Variants in GRM1 observed in about 807,000 individuals in gnomAD.
GRM1 encodes the protein glutamate metabotropic receptor 1, also known as metabotropic glutamate receptor 1.
GRM1 carries 33 observed loss-of-function variants against 90.9 expected under a neutral mutation model. The ratio of observed to expected loss-of-function variants is 0.36; its 90% confidence interval spans 0.28 to 0.49. GRM1 has a LOEUF of 0.49. Among genes scored for constraint, GRM1 ranks in the 20% least tolerant of loss-of-function variants. The probability of loss-of-function intolerance (pLI) is 0.99; values close to 1 mark genes in which losing one functional copy is unlikely to be tolerated. For synonymous variants in GRM1, 700 were observed against 613.2 expected, an observed-to-expected ratio of 1.14 and a Z score of -2.09; for missense variants, 1,190 against 1,534.3, an observed-to-expected ratio of 0.78 and a Z score of 3.75.
intron 1 of GRM1, among the ~76,000 whole-genome samples, chr6:146,155,685 T>C (rs935863413): frequency 6.6e-6 from 1 of 152,172 alleles, no homozygotes; most frequent in Non-Finnish European, 1.5e-5. Flanking sequence ...GGAAATAGCA[T>C]GCATGAGTTT....
At chr6:146,368,714 A>T (rs1053435473) in intron 5 of GRM1, among the ~76,000 whole-genome samples, 3 of 152,014 alleles carry the variant, frequency 2.0e-5, no homozygotes, top group African/African-American at 7.2e-5. Flanking sequence ...GATTGTAGTT[A>T]AAAATCTTTT....
At chr6:146,141,249 G>C (rs1404586347) in intron 1 of GRM1, among the ~76,000 whole-genome samples, 3 of 151,044 alleles carry the variant, frequency 2.0e-5, no homozygotes, top group Non-Finnish European at 4.4e-5. Context: ...TCTGCTGCCA[G>C]ACATACTGGA....
chr6:146,058,647 G>A (rs1337921385), intron 1 of GRM1, among the ~76,000 whole-genome samples: 1 of 152,040 alleles, frequency 6.6e-6, no homozygotes, highest in Non-Finnish European at 1.5e-5. Flanking sequence ...TTTCATTAAC[G>A]ACTTCTCTGT....
chr6:146,236,228 T>G (rs1181327222), intron 2 of GRM1, among the ~76,000 whole-genome samples: 2 of 152,316 alleles, frequency 1.3e-5, no homozygotes, highest in East Asian at 3.9e-4. Flanking sequence ...TCCAAAATAC[T>G]GTCATTATGA....
Position 146,434,645 on chromosome 6 carries a change from T to A in GRM1, c.3434T>A (p.Leu1145Gln). 6.2e-7 allele frequency: 1 copy of A among 1,610,522 alleles called. No individual in the cohort carries two copies. The highest frequency in any genetic ancestry group is 8.5e-7 in the Non-Finnish European group (1 of 1,180,016). ...CTGACCCCGGATGATTCGCCTGCGC[T>A]GACGCCTCCGTCGCCTTTCCGCGAC... is the stretch of plus-strand genomic sequence containing the variant. ...SKLTPDDSPALTPPSPFRDSV... is the reference protein window; with the variant it reads ...SKLTPDDSPAQTPPSPFRDSV... The change falls in exon 8 of 8, where the codon CTG (leucine) becomes CAG (glutamine). Residue 1145 changes from leucine (L) to glutamine (Q), a missense_variant. Transcript: ENST00000282753.
At chr6:146,342,927 A>G (rs1457013164) in intron 3 of GRM1, among the ~76,000 whole-genome samples, 1 of 152,156 alleles carries the variant, frequency 6.6e-6, no homozygotes, top group African/African-American at 2.4e-5. Context: ...ACCAACATTA[A>G]TGCATTATTA....
At chr6:146,354,221 T>C (rs1785506121) in intron 4 of GRM1, among the ~76,000 whole-genome samples, 1 of 152,228 alleles carries the variant, frequency 6.6e-6, no homozygotes, top group South Asian at 2.1e-4. Context: ...ATTCAGGAAC[T>C]GGGCATGTGA....
intron 1 of GRM1, among the ~76,000 whole-genome samples, chr6:146,058,527 T>A (rs1032139298): frequency 5.9e-5 from 9 of 152,182 alleles, no homozygotes; most frequent in Non-Finnish European, 1.3e-4. Flanking sequence ...CTTGCCTTGA[T>A]GTTGATGGCT....
intron 2 of GRM1, among the ~76,000 whole-genome samples, chr6:146,295,854 G>T (rs1309645518): frequency 2.0e-5 from 3 of 152,124 alleles, no homozygotes; most frequent in African/African-American, 7.2e-5. Flanking sequence ...GTACCCAATT[G>T]TTATTTTTTT....
chr6:146,251,140 A>G (rs909802542), intron 2 of GRM1, among the ~76,000 whole-genome samples: 3 of 152,200 alleles, frequency 2.0e-5, no homozygotes, highest in Non-Finnish European at 1.5e-5. Flanking sequence ...CTCTTTCTAA[A>G]TGGGACCATT....
chr6:146,396,808 T>A (rs1776954368), intron 6 of GRM1, among the ~76,000 whole-genome samples: 1 of 152,244 alleles, frequency 6.6e-6, no homozygotes, highest in Non-Finnish European at 1.5e-5. Flanking sequence ...AGCTTATGTC[T>A]AATTACCAAA....
At chr6:146,160,021 G>A (rs1443416135) in intron 2 of GRM1, 2 of 166,094 alleles carry the variant, frequency 1.2e-5, no homozygotes, top group East Asian at 1.7e-4. Flanking sequence ...AAAGCTGTTT[G>A]GCAGAATATG....
chr6:146,406,694 C>T (rs565237421), intron 7 of GRM1, among the ~76,000 whole-genome samples: 1 of 151,968 alleles, frequency 6.6e-6, no homozygotes, highest in Non-Finnish European at 1.5e-5. Context: ...ATTAGCCAGG[C>T]GTGGTGGCAT....
In GRM1 at chr6:146,426,411, G is replaced by A. The variant is rs557386687; in HGVS notation, c.2661-7461G>A. The A allele has an allele frequency of 5.6e-5, 37 of 659,172 alleles. No individual in the cohort carries two copies. The South Asian group carries it at 6.7e-4, about 12-fold the overall frequency. 40.8% of individuals were successfully genotyped at this position (659,172 alleles called of 1,614,324 possible). A position where few individuals can be genotyped will look rare whatever the true frequency, so the allele number is the denominator to read the frequency against. ...TAGCCTGGCAATGAGAAACAGCCAGGCAGAGCAAGGACCATAGAGCAAACG... is the reference window on the plus strand; with the variant it reads ...TAGCCTGGCAATGAGAAACAGCCAGACAGAGCAAGGACCATAGAGCAAACG... On this transcript the variant is annotated intron_variant, in intron 7 of 7. Transcript: ENST00000282753.
At chr6:146,125,723 A>G (rs1333796174) in intron 1 of GRM1, among the ~76,000 whole-genome samples, 1 of 151,822 alleles carries the variant, frequency 6.6e-6, no homozygotes, top group African/African-American at 2.4e-5. Context: ...CTGAGTTGCT[A>G]TTTATGTGAG....
At chr6:146,112,834 C>T (rs1775610296) in intron 1 of GRM1, among the ~76,000 whole-genome samples, 1 of 151,990 alleles carries the variant, frequency 6.6e-6, no homozygotes, top group Non-Finnish European at 1.5e-5. Context: ...TCATTTTTTT[C>T]ATAGAAGGTC....
chr6:146,421,189 GA>G (rs1208007702), intron 7 of GRM1, among the ~76,000 whole-genome samples: 1 of 151,838 alleles, frequency 6.6e-6, no homozygotes, highest in Non-Finnish European at 1.5e-5. Context: ...AATATCATGG[GA>G]AAAAAATCTC....
At chr6:146,033,510 T>G (rs773106293) in intron 1 of GRM1, among the ~76,000 whole-genome samples, 1 of 152,146 alleles carries the variant, frequency 6.6e-6, no homozygotes, top group African/African-American at 2.4e-5. Flanking sequence ...TTTTTTTGAG[T>G]GGATAAATTT....
chr6:146,186,179 T>C (rs1001784069), intron 2 of GRM1, among the ~76,000 whole-genome samples: 13 of 151,154 alleles, frequency 8.6e-5, no homozygotes, highest in Non-Finnish European at 1.6e-4. Context: ...GGTTTCACCA[T>C]GTTGGCCAAG....
Sources: gnomAD v4.1 joint callset for allele counts (sites outside exome capture counted in the v4.1 genomes callset) on GRCh38, gnomAD v4.1.1 for gene constraint, MANE v1.5 for transcripts, NCBI Gene and HGNC (gene_info 2026-07-23, HGNC 2026-07-21) for gene names.